CATSPER1: variants seen among roughly 807,000 people sequenced by gnomAD.
CATSPER1 encodes cation channel sperm associated 1.
CATSPER1 carries 57 observed loss-of-function variants against 72.7 expected under a neutral mutation model. The observed-to-expected ratio is 0.78, with a 90% CI of 0.63 to 0.98. CATSPER1 has a LOEUF of 0.98. Ranked by LOEUF, CATSPER1 falls within the 50% of genes least tolerant of loss-of-function variation. The pLI is 0.00. For missense variants in CATSPER1, 910 were observed against 1,033.9 expected (o/e 0.88, Z 1.64); for synonymous variants, 363 against 403.0 (o/e 0.90, Z 1.19).
chr11:66,023,183 G>T, intron 1 of CATSPER1, 122 bp from the exon 2 acceptor site: 1 of 974,310 alleles, frequency 1.0e-6, no homozygotes, highest in Non-Finnish European at 1.6e-6. Context: ...TCTGCCTCCC[G>T]GGTTCAAGCA....
In CATSPER1 at chr11:66,026,149, T is replaced by A. The variant is rs146165781; in HGVS notation, c.231A>T (p.Gln77His). 4.3e-4 allele frequency: 695 copies of A among 1,605,386 alleles called. 3 individuals carry two copies. In the African/African-American group the frequency reaches 8.5e-3, roughly 20 times the overall value. Residue 77 changes from glutamine (Q) to histidine (H), a missense_variant, in exon 1 of 12, where the codon CAA (glutamine) becomes CAT (histidine). Physicochemically the swap from Gln to His is conservative, Grantham distance 24 (BLOSUM62 0). Transcript: ENST00000312106. ...TCCGTGCCTCGCTGTGGTGGTGAGA[T>A]TGGTGGACATGGGAGGACAAGGCTT... is the stretch of plus-strand genomic sequence containing the variant. ...HDQALSSHVH[Q>H]SHHHSEARNH...
At chr11:66,018,754 C>T in intron 10 of CATSPER1, 73 bp downstream of exon 10, 2 of 1,500,940 alleles carry the variant, frequency 1.3e-6, no homozygotes, top group South Asian at 1.1e-5. Flanking sequence ...TGTCCCTTTC[C>T]CTCCAGCCCT....
chr11:66,025,396 T>C lies in CATSPER1; in HGVS notation c.984A>G (p.Pro328=). 1 of 1,613,560 alleles carries C rather than the reference T, an allele frequency of 6.2e-7. No individual in the cohort carries two copies. Among genetic ancestry groups the C allele is most frequent in the Non-Finnish European group, 8.5e-7 (1 of 1,179,884 alleles). The change falls in exon 1 of 12, where the codon CCA becomes CCG. Residue 328 remains proline, a synonymous_variant. Coordinates refer to ENST00000312106, the MANE Select transcript of CATSPER1 (RefSeq NM_053054.4). ...CGTGAATCAGGCTCCGGGATGTGTG[T>C]GGGATAGAGAGTTGGGAAGTGCTCT... ...YVQSTSQLSI[P]HTSRSLIHDA...
rs1565070647 is a variant in CATSPER1 at position 66,020,607 on chromosome 11, T to C, written c.1948A>G (p.Ile650Val). 6.2e-7 allele frequency: 1 copy of C among 1,612,258 alleles called. No homozygotes were observed. The highest frequency in any genetic ancestry group is 8.5e-7 in the Non-Finnish European group (1 of 1,179,386). ...RAQGAWYIIP[I>V]LVIYIIIQYF... ...TGGATGATGATGTAAATTACGAGGA[T>C]GGGAATGATGTACCAGGCGCCTAGG... is the stretch of plus-strand genomic sequence containing the variant. Residue 650 changes from isoleucine (I) to valine (V), a missense_variant, in exon 7 of 12, where the codon ATC becomes GTC. Coordinates refer to ENST00000312106, the MANE Select transcript of CATSPER1 (RefSeq NM_053054.4). This position sits in a 1 kb window ranked among gnomAD's most constrained non-coding sequence, Gnocchi z 4.5.
chr11:66,017,409 C>T (rs1856260935), intron 10 of CATSPER1, among the ~76,000 whole-genome samples: 1 of 152,104 alleles, frequency 6.6e-6, no homozygotes, highest in African/African-American at 2.4e-5. Flanking sequence ...ACCCATCCCT[C>T]CACCCACCCA....
rs570358467 is a variant in CATSPER1 at position 66,025,459 on chromosome 11, G to A, written c.921C>T (p.Gly307=). 2.1e-5 allele frequency: 34 copies of A among 1,613,508 alleles called. No individual in the cohort carries two copies. Among genetic ancestry groups the A allele is most frequent in the African/African-American group, 8.0e-5 (6 of 74,918 alleles). The change falls in exon 1 of 12, where the codon GGC becomes GGT. Residue 307 remains glycine, a synonymous_variant. Coordinates refer to ENST00000312106, the MANE Select transcript of CATSPER1 (RefSeq NM_053054.4). ...RDYHQHQDHH[G]AYHSSYLHGD... is the part of the protein sequence containing the mutation. ...CATGGAGGTAACTGGAATGATACGC[G>A]CCGTGGTGGTCTTGGTGCTGATGGT...
chr11:66,021,794 C>T lies in CATSPER1; in HGVS notation c.1515G>A (p.Ser505=), dbSNP rs1291856062. Reference sequence around the variant, plus strand: ...AATTGTTCCAGAAGTCAAAGAAGTACGAGAGGCCCAGGGCGATGATCTTGA... The same window carrying T: ...AATTGTTCCAGAAGTCAAAGAAGTATGAGAGGCCCAGGGCGATGATCTTGA... ...ALLKIIALGL[S]YFFDFWNNLD... The change falls in exon 3 of 12, where the codon TCG becomes TCA. Residue 505 remains serine, a synonymous_variant. Coordinates refer to ENST00000312106, the MANE Select transcript of CATSPER1 (RefSeq NM_053054.4). The T allele has an allele frequency of 8.1e-6, 13 of 1,614,042 alleles. No homozygotes were observed. The highest frequency in any genetic ancestry group is 3.3e-5 in the Admixed American group (2 of 60,004).
intron 4 of CATSPER1, 128 bp downstream of exon 4, chr11:66,021,368 A>G (rs1231536941): frequency 3.8e-6 from 5 of 1,309,108 alleles, no homozygotes; most frequent in African/African-American, 1.5e-5. Context: ...AGGCAGAAGC[A>G]GGCTGGGGTC....
At chr11:66,021,677 C>G in intron 3 of CATSPER1, 34 bp from the exon 4 acceptor site, 1 of 1,608,380 alleles carries the variant, frequency 6.2e-7, no homozygotes, top group Non-Finnish European at 8.5e-7. Context: ...CTGGCGGGCT[C>G]CCAACGCCAG....
chr11:66,025,928 C>A lies in CATSPER1; in HGVS notation c.452G>T (p.Arg151Ile). 1 of 1,613,860 alleles carries A rather than the reference C, an allele frequency of 6.2e-7. No homozygotes were observed. The highest frequency in any genetic ancestry group is 8.5e-7 in the Non-Finnish European group (1 of 1,179,952). The part of the protein sequence containing the change: ...SHYHRGSHHG[R>I]PQYLGENLSH... ...TAAATTCTCACCGAGATATTGGGGT[C>A]TGCCATGGTGAGACCCCCTATGGTA... Residue 151 changes from arginine to isoleucine, a missense_variant, in exon 1 of 12, where the codon AGA becomes ATA. Arg to Ile is a moderately conservative substitution (Grantham distance 97). Coordinates refer to ENST00000312106, the MANE Select transcript of CATSPER1 (RefSeq NM_053054.4).
In CATSPER1 at chr11:66,020,767, C is replaced by T; in HGVS notation, c.1927+44G>A. ...GGTCACTGAGCCCTGGCCGGTCCACCCCGCCAATCCCCGGCCCTCCCTGCA... is the reference window on the plus strand; with the variant it reads ...GGTCACTGAGCCCTGGCCGGTCCACTCCGCCAATCCCCGGCCCTCCCTGCA... On this transcript the variant is annotated intron_variant, in intron 6 of 11. Coordinates refer to ENST00000312106, the MANE Select transcript of CATSPER1 (RefSeq NM_053054.4). This position sits in a 1 kb window ranked among gnomAD's most constrained non-coding sequence, Gnocchi z 4.5. 6.2e-7 allele frequency: 1 copy of T among 1,612,976 alleles called. No individual in the cohort carries two copies. The highest frequency in any genetic ancestry group is 8.5e-7 in the Non-Finnish European group (1 of 1,179,786).
In CATSPER1 at chr11:66,020,198, CCTCTGGGA is replaced by C; in HGVS notation, c.2065-6_2066del. The stretch of plus-strand genomic sequence containing the variant: ...GCAGCTTCTCTTGGATCCGGGCGGC[CCTCTGGGA>C]AGAAGAGGCCTCAGATCTGCCAGAG... On this transcript the variant is annotated splice_acceptor_variant and splice_polypyrimidine_tract_variant and coding_sequence_variant and intron_variant, in exon 9 of 12. Transcript: ENST00000312106. LOFTEE classifies it high-confidence loss of function. The surrounding 1 kb of genome is among the most constrained non-coding windows in gnomAD (Gnocchi z 4.5). The C allele has an allele frequency of 6.2e-7, 1 of 1,613,864 alleles. No homozygotes were observed. Among genetic ancestry groups the C allele is most frequent in the Non-Finnish European group, 8.5e-7 (1 of 1,180,026 alleles).
intron 2 of CATSPER1, among the ~76,000 whole-genome samples, chr11:66,022,424 T>C (rs1203540365): frequency 1.3e-5 from 2 of 152,258 alleles, no homozygotes; most frequent in Non-Finnish European, 2.9e-5. Flanking sequence ...GTGCTTAGAA[T>C]GGAGCCTGAG....
chr11:66,020,855 G>A lies in CATSPER1; in HGVS notation c.1883C>T (p.Thr628Met), dbSNP rs769762719. 5.6e-6 allele frequency: 9 copies of A among 1,613,946 alleles called. No individual in the cohort carries two copies. Among genetic ancestry groups the A allele is most frequent in the South Asian group, 2.2e-5 (2 of 91,086 alleles). ...GTAGATGAGGGACCAGTCATCCAGC[G>A]TGAGCAAGGTGAAGAGGGTGAAGAT... is the stretch of plus-strand genomic sequence containing the variant. Reference protein sequence around the residue: ...TTIFTLFTLLTLDDWSLIYMD... With the variant: ...TTIFTLFTLLMLDDWSLIYMD... The change falls in exon 6 of 12, where the codon ACG becomes ATG. Residue 628 changes from threonine to methionine, a missense_variant. By Grantham distance (81) the Thr-to-Met change is moderately conservative (BLOSUM62 -1). Transcript: ENST00000312106. This position sits in a 1 kb window ranked among gnomAD's most constrained non-coding sequence, Gnocchi z 4.5.
chr11:66,021,339 G>T, intron 4 of CATSPER1, 154 bp from the exon 5 acceptor site: 1 of 1,207,548 alleles, frequency 8.3e-7, no homozygotes. Context: ...TGAAGGGGCT[G>T]ATTCCAGTGC....
rs539221396 is a variant in CATSPER1, at chr11:66,020,445, C to A, written c.1992-56G>T. 12 of 1,609,502 alleles carry A rather than the reference C, an allele frequency of 7.5e-6. No individual in the cohort carries two copies. In the African/African-American group the frequency reaches 1.3e-4, roughly 18 times the overall value. ...CGAGGAGGCCAGAGGAGAGGGGCAC[C>A]CGGTACTTCTTGTGGGTTCAGCGTG... On this transcript the variant is annotated intron_variant, in intron 7 of 11. Coordinates refer to ENST00000312106, the MANE Select transcript of CATSPER1 (RefSeq NM_053054.4). This position sits in a 1 kb window ranked among gnomAD's most constrained non-coding sequence, Gnocchi z 4.5.
At chr11:66,019,939 AAAAAAG>A (rs1856319238) in intron 9 of CATSPER1, among the ~76,000 whole-genome samples, 195 bp downstream of exon 9, 1 of 150,734 alleles carries the variant, frequency 6.6e-6, no homozygotes, top group African/African-American at 2.5e-5. Context: ...AAAAAAAAAA[AAAAAAG>A]ACTTGACAAG....
intron 2 of CATSPER1, 25 bp from the exon 3 acceptor site, chr11:66,021,904 A>C (rs764930175): frequency 1.3e-6 from 2 of 1,559,888 alleles, no homozygotes; most frequent in Admixed American, 3.3e-5. Context: ...GGGTGCACTC[A>C]GAGCTGTCCC....
intron 1 of CATSPER1, 61 bp from the exon 2 acceptor site, chr11:66,023,122 C>A: frequency 6.8e-7 from 1 of 1,460,640 alleles, no homozygotes. Flanking sequence ...GTCCCAGGCA[C>A]CCCCCAGCCT....
Sources: gnomAD v4.1 joint callset for allele counts (sites outside exome capture counted in the v4.1 genomes callset) on GRCh38, gnomAD v4.1.1 for gene constraint, Gnocchi (gnomAD v3.1) non-coding constraint, MANE v1.5 for transcripts, NCBI Gene and HGNC (gene_info 2026-07-23, HGNC 2026-07-21) for gene names.